EFR3B: variants seen among roughly 807,000 people sequenced by gnomAD.
EFR3B encodes the protein EFR3 homolog B, also known as protein EFR3 homolog B.
A neutral mutation model predicts 104.7 loss-of-function variants in EFR3B; 64 were observed. The observed-to-expected ratio is 0.61, with a 90% CI of 0.50 to 0.75. EFR3B has a LOEUF of 0.75. EFR3B is among the 30% of genes least tolerant of loss of function. The probability of loss-of-function intolerance (pLI) is 0.00; values close to 1 mark genes in which losing one functional copy is unlikely to be tolerated. For synonymous variants in EFR3B, 385 were observed against 417.9 expected (o/e 0.92, Z 0.96); for missense variants, 750 against 1,078.5 (o/e 0.70, Z 4.27).
chr2:25,121,104 G>A (rs1471798645), intron 4 of EFR3B, among the ~76,000 whole-genome samples: 2 of 152,224 alleles, frequency 1.3e-5, no homozygotes, highest in South Asian at 2.1e-4. Context: ...GTTTCACCAT[G>A]TTGGCCAGGC....
At chr2:25,133,482 C>A (rs1473394430) in intron 12 of EFR3B, 48 bp downstream of exon 12, 3 of 1,541,626 alleles carry the variant, frequency 1.9e-6, no homozygotes, top group Admixed American at 2.0e-5. Context: ...CAGGAGACAG[C>A]TCCTTCCAAG....
chr2:25,136,683 GGGC>G lies in EFR3B; in HGVS notation c.1560+88_1560+90del. ...TCCCAGCACTTTGGGAGGCTGAGGC[GGGC>G]GGATAGATCACTTGAGGTGGGGAGC... On this transcript the variant is annotated intron_variant, in intron 14 of 22. Transcript: ENST00000403714. This position sits in a 1 kb window ranked among gnomAD's most constrained non-coding sequence, Gnocchi z 4.0. 1 of 1,189,608 alleles carries G rather than the reference GGGC, an allele frequency of 8.4e-7. No individual in the cohort carries two copies. Among genetic ancestry groups the G allele is most frequent in the Non-Finnish European group, 1.2e-6 (1 of 829,110 alleles). 73.7% of individuals were successfully genotyped at this position (1,189,608 alleles called of 1,614,324 possible). A position where few individuals can be genotyped will look rare whatever the true frequency, so the allele number is the denominator to read the frequency against.
chr2:25,048,012 G>A (rs1398143987), intron 1 of EFR3B, among the ~76,000 whole-genome samples: 4 of 151,644 alleles, frequency 2.6e-5, no homozygotes, highest in African/African-American at 4.8e-5. Flanking sequence ...TTGTTTAGAC[G>A]GTTGGAACCT....
At position 25,136,084 on chromosome 2, in the gene EFR3B, G is replaced by A. The variant is rs1326778794; in HGVS notation, c.1485-439G>A. 6.6e-6 allele frequency among the ~76,000 whole-genome samples: 1 copy of A among 152,134 alleles called. No individual in the cohort carries two copies. Among genetic ancestry groups the A allele is most frequent in the Non-Finnish European group, 1.5e-5 (1 of 68,022 alleles). ...GTAATCTCACACTTTGAGAGGCCAA[G>A]GTGGGATGATCACTTAAGCCCAAGA... On this transcript the variant is annotated intron_variant, in intron 13 of 22. Transcript: ENST00000403714. The surrounding 1 kb of genome is among the most constrained non-coding windows in gnomAD (Gnocchi z 4.0).
At chr2:25,083,488 T>C (rs1668867953) in intron 1 of EFR3B, among the ~76,000 whole-genome samples, 1 of 152,176 alleles carries the variant, frequency 6.6e-6, no homozygotes, top group Non-Finnish European at 1.5e-5. Context: ...TTAATGTCTA[T>C]TATTTGTTTC....
rs1452906771 is a variant in EFR3B, at chr2:25,130,505, A to C, written c.771-47A>C. The C allele has an allele frequency of 1.4e-6, 2 of 1,466,976 alleles. No homozygotes were observed. Among genetic ancestry groups the C allele is most frequent in the African/African-American group, 1.4e-5 (1 of 71,156 alleles). 90.9% of individuals were successfully genotyped at this position (1,466,976 alleles called of 1,614,324 possible). A position where few individuals can be genotyped will look rare whatever the true frequency, so the allele number is the denominator to read the frequency against. On this transcript the variant is annotated intron_variant, in intron 7 of 22. Coordinates refer to ENST00000403714, the MANE Select transcript of EFR3B (RefSeq NM_014971.2). The surrounding 1 kb of genome is among the most constrained non-coding windows in gnomAD (Gnocchi z 4.6). ...TCCAAGCTAATCTCTTCTCCCTAAC[A>C]CTGCCGGGAGTTTCATAGTTGTTCC...
At chr2:25,086,466 G>A (rs764577306) in intron 1 of EFR3B, among the ~76,000 whole-genome samples, 23 of 152,210 alleles carry the variant, frequency 1.5e-4, no homozygotes, top group Non-Finnish European at 2.9e-4. Context: ...AATAGGTGTG[G>A]AGTGGTATCT....
In EFR3B at chr2:25,136,801, A is replaced by G. The variant is rs1264038520; in HGVS notation, c.1560+203A>G. Among the ~76,000 whole-genome samples, 6 of 152,224 alleles carry G rather than the reference A, an allele frequency of 3.9e-5. No individual in the cohort carries two copies. The highest frequency in any genetic ancestry group is 2.9e-5 in the Non-Finnish European group (2 of 68,038). ...CATGGTGGTGGGCACCTGCAATCCC[A>G]GCTACTCGGGAGGCTGAGGCAGGAG... On this transcript the variant is annotated intron_variant, in intron 14 of 22. Transcript: ENST00000403714. The surrounding 1 kb of genome is among the most constrained non-coding windows in gnomAD (Gnocchi z 4.0).
At chr2:25,082,052 G>A (rs1412166251) in intron 1 of EFR3B, among the ~76,000 whole-genome samples, 6 of 152,228 alleles carry the variant, frequency 3.9e-5, no homozygotes, top group Non-Finnish European at 8.8e-5. Context: ...AGGGGTCACA[G>A]GGACGCAGAT....
chr2:25,150,186 G>A (rs1364783469), intron 20 of EFR3B, among the ~76,000 whole-genome samples: 2 of 151,866 alleles, frequency 1.3e-5, no homozygotes, highest in African/African-American at 2.4e-5. Flanking sequence ...TGTAATCACA[G>A]CTACTTGGGA....
intron 13 of EFR3B, 98 bp downstream of exon 13, chr2:25,135,737 C>T: frequency 7.4e-7 from 1 of 1,359,248 alleles, no homozygotes; most frequent in Middle Eastern, 2.0e-4. Flanking sequence ...AGGTTCCCAC[C>T]TCAGTATCTG....
intron 1 of EFR3B, among the ~76,000 whole-genome samples, chr2:25,053,785 T>C (rs796182265): frequency 2.6e-5 from 4 of 152,290 alleles, no homozygotes; most frequent in African/African-American, 7.2e-5. Flanking sequence ...CATGTGCCTG[T>C]AGTCCCAGCT....
At chr2:25,139,282 CA>C in intron 16 of EFR3B, 92 bp downstream of exon 16, 1 of 1,402,270 alleles carries the variant, frequency 7.1e-7, no homozygotes, top group Non-Finnish European at 9.5e-7. Flanking sequence ...CCTGTACCTA[CA>C]CTTAGGCAGT....
In EFR3B at chr2:25,121,709, T is replaced by A; in HGVS notation, c.400T>A (p.Ser134Thr). The A allele has an allele frequency of 6.4e-7, 1 of 1,551,716 alleles. No individual in the cohort carries two copies. The highest frequency in any genetic ancestry group is 8.7e-7 in the Non-Finnish European group (1 of 1,146,996). The change falls in exon 5 of 23, where the codon TCC becomes ACC. Residue 134 changes from serine (S) to threonine (T), a missense_variant. Physicochemically the swap from Ser to Thr is moderately conservative, Grantham distance 58 (BLOSUM62 1). Coordinates refer to ENST00000403714, the MANE Select transcript of EFR3B (RefSeq NM_014971.2). ...TGCCAACATCGAGGAGGACACCCCGTCCTATCACCGGAGCTATGACTTCTT... is the reference window on the plus strand; with the variant it reads ...TGCCAACATCGAGGAGGACACCCCGACCTATCACCGGAGCTATGACTTCTT... ...KFANIEEDTP[S>T]YHRSYDFFVS...
Position 25,129,617 on chromosome 2 carries a change from A to G in EFR3B, c.636-358A>G, listed in dbSNP as rs564033281. Among the ~76,000 whole-genome samples the G allele has an allele frequency of 4.1e-5, 6 of 147,638 alleles. No homozygotes were observed. The East Asian group carries it at 8.0e-4, about 20-fold the overall frequency. ...TTTTTTGCCTCCCTTTCCTATCTTC[A>G]TCTCCCATCTCCTTTTCCTTCTGAA... On this transcript the variant is annotated intron_variant, in intron 6 of 22. Coordinates refer to ENST00000403714, the MANE Select transcript of EFR3B (RefSeq NM_014971.2).
At chr2:25,141,880 A>G (rs1670676538) in intron 17 of EFR3B, among the ~76,000 whole-genome samples, 2 of 152,378 alleles carry the variant, frequency 1.3e-5, no homozygotes, top group South Asian at 2.1e-4. Context: ...TGGCCCATCC[A>G]TACAGTAGAC....
chr2:25,067,754 A>G (rs1441057869), intron 1 of EFR3B, among the ~76,000 whole-genome samples: 1 of 152,060 alleles, frequency 6.6e-6, no homozygotes, highest in Non-Finnish European at 1.5e-5. Flanking sequence ...GCTTCATTCA[A>G]TTCAGCTGCT....
intron 2 of EFR3B, among the ~76,000 whole-genome samples, chr2:25,092,074 G>A (rs1179960262): frequency 6.6e-6 from 1 of 151,624 alleles, no homozygotes; most frequent in Non-Finnish European, 1.5e-5. Context: ...AATTTGGGGT[G>A]GCTTTTTTTT....
At chr2:25,047,487 A>G (rs1383014483) in intron 1 of EFR3B, among the ~76,000 whole-genome samples, 1 of 151,886 alleles carries the variant, frequency 6.6e-6, no homozygotes, top group African/African-American at 2.4e-5. Flanking sequence ...CTGTTTCTTA[A>G]TTTTTTTATT....
Sources: allele counts gnomAD v4.1 joint callset (sites outside exome capture counted in the v4.1 genomes callset), GRCh38; gene constraint gnomAD v4.1.1; non-coding constraint Gnocchi (gnomAD v3.1); transcripts MANE v1.5; gene names NCBI Gene and HGNC (gene_info 2026-07-23, HGNC 2026-07-21).